The following RASGEF1A variants were observed in gnomAD, a reference collection of about 807,000 sequenced individuals.
RASGEF1A encodes the protein RasGEF domain family member 1A, also known as ras-GEF domain-containing family member 1A.
In RASGEF1A, 18 loss-of-function variants were observed where a neutral mutation model predicts 56.4. The ratio of observed to expected loss-of-function variants is 0.32; its 90% confidence interval spans 0.22 to 0.47. RASGEF1A has a LOEUF of 0.47. Ranked by LOEUF, RASGEF1A falls within the 20% of genes least tolerant of loss-of-function variation. The probability of loss-of-function intolerance (pLI) is 1.00; values close to 1 mark genes in which losing one functional copy is unlikely to be tolerated. For missense variants in RASGEF1A, 422 were observed against 627.1 expected (o/e 0.67, Z 3.49); for synonymous variants, 245 against 242.6 (o/e 1.01, Z -0.09).
intron 1 of RASGEF1A, among the ~76,000 whole-genome samples, chr10:43,262,696 G>C (rs1043726679): frequency 3.9e-5 from 6 of 152,246 alleles, no homozygotes; most frequent in Non-Finnish European, 7.3e-5. Flanking sequence ...AGCAGCCCCG[G>C]GCCCCCTGCA....
intron 1 of RASGEF1A, among the ~76,000 whole-genome samples, chr10:43,254,108 C>G (rs1840658370): frequency 2.0e-5 from 3 of 152,320 alleles, no homozygotes; most frequent in South Asian, 4.1e-4. Flanking sequence ...GGCCTCCCAC[C>G]AGGGCTGTGC....
intron 1 of RASGEF1A, among the ~76,000 whole-genome samples, chr10:43,219,193 G>A (rs1322809869): frequency 5.9e-5 from 9 of 152,176 alleles, no homozygotes; most frequent in Admixed American, 5.2e-4. Context: ...CCTTGGCCTC[G>A]CTCCCTCTTC....
At chr10:43,212,188 A>G (rs1484174112) in intron 1 of RASGEF1A, among the ~76,000 whole-genome samples, 13 of 152,136 alleles carry the variant, frequency 8.5e-5, no homozygotes, top group Non-Finnish European at 1.5e-5. Context: ...AGTTTCACAG[A>G]GCCTCCCCAG....
rs576889115 is a variant in RASGEF1A at position 43,229,863 on chromosome 10, G to A, written c.-6-23741C>T. ...GGCGGGGCAGAGGGGCCGCGAGGCC[G>A]GCCAGGAACGCGGGGCGGGGCCGAG... On this transcript the variant is annotated intron_variant, in intron 1 of 12. Coordinates refer to ENST00000395810, the MANE Select transcript of RASGEF1A (RefSeq NM_145313.4). 136 of 627,842 alleles carry A rather than the reference G, an allele frequency of 2.2e-4. 3 individuals are homozygous for A. The South Asian group carries it at 6.0e-3, about 28-fold the overall frequency. The allele number at this position is 627,842 out of a possible 1,614,324, so 38.9% of individuals were successfully genotyped here. A position where few individuals can be genotyped will look rare whatever the true frequency, so the allele number is the denominator to read the frequency against.
intron 1 of RASGEF1A, among the ~76,000 whole-genome samples, chr10:43,263,282 C>G (rs1836568500): frequency 2.0e-5 from 3 of 152,098 alleles, no homozygotes. Context: ...AGTGGACATC[C>G]ACGGCCTCTC....
At chr10:43,216,176 C>T (rs1022979000) in intron 1 of RASGEF1A, among the ~76,000 whole-genome samples, 1 of 152,164 alleles carries the variant, frequency 6.6e-6, no homozygotes, top group Non-Finnish European at 1.5e-5. Flanking sequence ...GCCTGGTCCC[C>T]ACCCTGCCAG....
In RASGEF1A at chr10:43,196,405, G is replaced by A; in HGVS notation, c.1421+71C>T. The A allele has an allele frequency of 6.4e-7, 1 of 1,566,188 alleles. No homozygotes were observed. The highest frequency in any genetic ancestry group is 8.8e-7 in the Non-Finnish European group (1 of 1,136,906). ...CAGTGCCCAGGCTCCCTTTCCAGGA[G>A]GGTAACCCTCGTGCCCACCCTGAGT... On this transcript the variant is annotated intron_variant, in intron 12 of 12. Transcript: ENST00000395810. The surrounding 1 kb of genome is among the most constrained non-coding windows in gnomAD (Gnocchi z 4.6).
At chr10:43,216,187 G>A (rs1281359022) in intron 1 of RASGEF1A, among the ~76,000 whole-genome samples, 1 of 152,146 alleles carries the variant, frequency 6.6e-6, no homozygotes, top group Non-Finnish European at 1.5e-5. Flanking sequence ...ACCCTGCCAG[G>A]AGCGGGGGCG....
intron 1 of RASGEF1A, chr10:43,208,525 T>C (rs1588932534): frequency 1.0e-6 from 1 of 985,502 alleles, no homozygotes. Flanking sequence ...CATGCAGGGG[T>C]GTCCCAGGCA....
At chr10:43,216,621 C>T (rs1289607811) in intron 1 of RASGEF1A, among the ~76,000 whole-genome samples, 3 of 152,194 alleles carry the variant, frequency 2.0e-5, no homozygotes, top group Non-Finnish European at 4.4e-5. Context: ...GTAGCCCGCC[C>T]AGGGGCTGCC....
intron 1 of RASGEF1A, among the ~76,000 whole-genome samples, chr10:43,257,699 G>A (rs1391889541): frequency 6.6e-6 from 1 of 152,204 alleles, no homozygotes; most frequent in African/African-American, 2.4e-5. Flanking sequence ...AGCAGGCCTG[G>A]GACTCACATT....
chr10:43,250,881 C>T (rs1840621046), intron 1 of RASGEF1A, among the ~76,000 whole-genome samples: 1 of 152,164 alleles, frequency 6.6e-6, no homozygotes, highest in Non-Finnish European at 1.5e-5. Flanking sequence ...CTCAATGGAC[C>T]CAGGCACTGA....
chr10:43,197,334 C>G (rs1218755160), intron 10 of RASGEF1A, among the ~76,000 whole-genome samples: 1 of 152,350 alleles, frequency 6.6e-6, no homozygotes, highest in Middle Eastern at 3.4e-3. Flanking sequence ...GGCCATCAGG[C>G]CGGCAGCAGG....
chr10:43,209,143 A>T (rs1360158029), intron 1 of RASGEF1A: 2 of 985,384 alleles, frequency 2.0e-6, no homozygotes, highest in Non-Finnish European at 2.4e-6. Flanking sequence ...GAAGAATTGC[A>T]CACTGGGCTC....
chr10:43,222,866 G>A (rs529491353), intron 1 of RASGEF1A, among the ~76,000 whole-genome samples: 1 of 152,320 alleles, frequency 6.6e-6, no homozygotes, highest in Admixed American at 6.5e-5. Flanking sequence ...CTCTCAACCT[G>A]TGAGATCTGA....
rs372247710 is a variant in RASGEF1A at position 43,243,666 on chromosome 10, G to A, written c.-7+23179C>T. 1.8e-4 allele frequency among the ~76,000 whole-genome samples: 27 copies of A among 150,064 alleles called. No homozygotes were observed. The East Asian group carries it at 2.2e-3, about 12-fold the overall frequency. ...TGGGAAGTGAGGAGCGCCTCTGCCC[G>A]GCCGCTCTTCGTCTGGGAGGTGGGG... On this transcript the variant is annotated intron_variant, in intron 1 of 12. Coordinates refer to ENST00000395810, the MANE Select transcript of RASGEF1A (RefSeq NM_145313.4).
At chr10:43,240,530 T>C (rs752270722) in intron 1 of RASGEF1A, among the ~76,000 whole-genome samples, 57 of 151,904 alleles carry the variant, frequency 3.8e-4, no homozygotes, top group Non-Finnish European at 6.0e-4. Context: ...ATACAAATTA[T>C]AAAAAAGAAC....
intron 1 of RASGEF1A, among the ~76,000 whole-genome samples, chr10:43,259,672 C>T (rs1564545457): frequency 6.6e-6 from 1 of 152,200 alleles, no homozygotes; most frequent in Non-Finnish European, 1.5e-5. Flanking sequence ...CCCTCACAGG[C>T]AGGAACGAGA....
intron 3 of RASGEF1A, among the ~76,000 whole-genome samples, chr10:43,202,180 T>TA (rs557773058): frequency 1.4e-3 from 215 of 152,278 alleles, no homozygotes; most frequent in African/African-American, 4.7e-3. Context: ...AAACTTATAT[T>TA]AAAAAAACCC....
Sources: allele counts gnomAD v4.1 joint callset (sites outside exome capture counted in the v4.1 genomes callset), GRCh38; gene constraint gnomAD v4.1.1; non-coding constraint Gnocchi (gnomAD v3.1); transcripts MANE v1.5; gene names NCBI Gene and HGNC (gene_info 2026-07-23, HGNC 2026-07-21).